The following MEIKIN variants were observed in gnomAD, a reference collection of about 807,000 sequenced individuals.
The protein encoded by MEIKIN is meiotic kinetochore factor.
At chr5:131,937,002 T>C (rs1476939229) in intron 4 of MEIKIN, among the ~76,000 whole-genome samples, 3 of 152,194 alleles carry the variant, frequency 2.0e-5, no homozygotes, top group East Asian at 3.9e-4. Flanking sequence ...AGTATAGCTA[T>C]TGGAGATCTC....
intron 11 of MEIKIN, among the ~76,000 whole-genome samples, chr5:131,837,431 T>C (rs557195552): frequency 5.9e-5 from 9 of 152,298 alleles, no homozygotes; most frequent in African/African-American, 2.2e-4. Flanking sequence ...GCATTGAATC[T>C]ATAAATTGCT....
In MEIKIN at chr5:131,941,153, T is replaced by C. The variant is rs1355306487; in HGVS notation, c.349+1482A>G. On this transcript the variant is annotated intron_variant, in intron 4 of 12. Transcript: ENST00000442687. ...TTCAAGATCTCTTCCTTTTTTTTTT[T>C]TTTTTTTTTTTTTTTTTTTTTTGTG... 4.8e-5 allele frequency among the ~76,000 whole-genome samples: 6 copies of C among 126,054 alleles called. No homozygotes were observed. In the East Asian group the frequency reaches 1.4e-3, roughly 29 times the overall value. 82.7% of individuals were successfully genotyped at this position (126,054 alleles called of 152,430 possible). A position where few individuals can be genotyped will look rare whatever the true frequency, so the allele number is the denominator to read the frequency against.
chr5:131,927,835 T>A (rs1202214382), intron 5 of MEIKIN, among the ~76,000 whole-genome samples: 1 of 152,254 alleles, frequency 6.6e-6, no homozygotes, highest in East Asian at 1.9e-4. Context: ...CCATTTTTAG[T>A]GTATGTATCC....
chr5:131,876,701 G>A (rs1750620091), intron 9 of MEIKIN, among the ~76,000 whole-genome samples: 1 of 151,776 alleles, frequency 6.6e-6, no homozygotes, highest in Non-Finnish European at 1.5e-5. Flanking sequence ...GCACACGTAT[G>A]TTTATTGAGG....
chr5:131,907,221 G>A (rs1179065213), intron 8 of MEIKIN, among the ~76,000 whole-genome samples: 2 of 151,824 alleles, frequency 1.3e-5, no homozygotes, highest in Non-Finnish European at 2.9e-5. Flanking sequence ...AGTTACAAAT[G>A]CTTATATCAA....
chr5:131,859,213 G>A (rs1045597476), intron 9 of MEIKIN, among the ~76,000 whole-genome samples: 6 of 152,152 alleles, frequency 3.9e-5, no homozygotes, highest in Non-Finnish European at 7.4e-5. Context: ...AGAAAATGTG[G>A]TACATATACA....
intron 12 of MEIKIN, among the ~76,000 whole-genome samples, chr5:131,813,669 C>T (rs1580855158): frequency 6.6e-6 from 1 of 152,020 alleles, no homozygotes; most frequent in East Asian, 1.9e-4. Flanking sequence ...TCTCATGATC[C>T]GCCCGCCTCA....
intron 12 of MEIKIN, among the ~76,000 whole-genome samples, chr5:131,811,434 C>T (rs560580689): frequency 6.6e-6 from 1 of 151,978 alleles, no homozygotes; most frequent in East Asian, 1.9e-4. Flanking sequence ...CGGCTCACTG[C>T]AACCTCTGCC....
chr5:131,849,237 G>C (rs1002954238), intron 11 of MEIKIN, among the ~76,000 whole-genome samples: 1 of 151,896 alleles, frequency 6.6e-6, no homozygotes, highest in African/African-American at 2.4e-5. Flanking sequence ...CTGTTCTAGT[G>C]GGGGAGTTAT....
intron 11 of MEIKIN, among the ~76,000 whole-genome samples, chr5:131,825,598 A>G (rs1749596888): frequency 6.6e-6 from 1 of 152,172 alleles, no homozygotes. Context: ...TCAGCTACTC[A>G]GCCCCCAGAG....
At chr5:131,921,184 A>T (rs918890474) in intron 6 of MEIKIN, among the ~76,000 whole-genome samples, 3 of 152,254 alleles carry the variant, frequency 2.0e-5, no homozygotes, top group African/African-American at 7.2e-5. Flanking sequence ...AAAAAGAAAG[A>T]CTAAATGAAA....
chr5:131,944,978 T>A (rs947246531), intron 2 of MEIKIN, among the ~76,000 whole-genome samples, 178 bp downstream of exon 2: 1 of 152,204 alleles, frequency 6.6e-6, no homozygotes. Context: ...TTCCCCTTTT[T>A]AAAAATAAAT....
At position 131,819,807 on chromosome 5, in the gene MEIKIN, G is replaced by A. The variant is rs1197664151; in HGVS notation, c.976-944C>T. 2.9e-3 allele frequency among the ~76,000 whole-genome samples: 292 copies of A among 101,056 alleles called. 3 individuals carry two copies. Among genetic ancestry groups the A allele is most frequent in the African/African-American group, 0.012 (278 of 23,150 alleles). 66.3% of individuals were successfully genotyped at this position (101,056 alleles called of 152,430 possible). A position where few individuals can be genotyped will look rare whatever the true frequency, so the allele number is the denominator to read the frequency against. On this transcript the variant is annotated intron_variant, in intron 11 of 12. Transcript: ENST00000442687. ...TTTTTTTTTTTTGAGACGGAGTCTCGCTCTGTCGCCCAGGCTGGAGTGCAG... is the reference window on the plus strand; with the variant it reads ...TTTTTTTTTTTTGAGACGGAGTCTCACTCTGTCGCCCAGGCTGGAGTGCAG...
intron 11 of MEIKIN, among the ~76,000 whole-genome samples, chr5:131,829,294 TCAAA>T (rs1241720175): frequency 6.6e-6 from 1 of 152,204 alleles, no homozygotes; most frequent in Non-Finnish European, 1.5e-5. Context: ...ATGAAAAGTC[TCAAA>T]CAATTTCTAT....
At chr5:131,816,246 G>C in intron 12 of MEIKIN, among the ~76,000 whole-genome samples, 1 of 152,322 alleles carries the variant, frequency 6.6e-6, no homozygotes, top group South Asian at 2.1e-4. Context: ...CGCTGTGATG[G>C]TTAGTTGTGT....
intron 6 of MEIKIN, among the ~76,000 whole-genome samples, chr5:131,921,409 G>A (rs1751503442): frequency 6.6e-6 from 1 of 151,978 alleles, no homozygotes; most frequent in Non-Finnish European, 1.5e-5. Context: ...TGTAATCCCA[G>A]CACTTTGGGA....
At chr5:131,862,970 A>G (rs569831553) in intron 9 of MEIKIN, among the ~76,000 whole-genome samples, 18 of 152,330 alleles carry the variant, frequency 1.2e-4, no homozygotes, top group African/African-American at 4.3e-4. Flanking sequence ...AAGTGCTGGG[A>G]TTACAAGCAT....
At chr5:131,931,172 C>T (rs941775158) in intron 5 of MEIKIN, among the ~76,000 whole-genome samples, 11 of 152,202 alleles carry the variant, frequency 7.2e-5, no homozygotes, top group Non-Finnish European at 1.6e-4. Flanking sequence ...AAACCACCGT[C>T]TTTGTTGTTA....
intron 9 of MEIKIN, among the ~76,000 whole-genome samples, chr5:131,865,688 A>G (rs375509279): frequency 1.3e-5 from 2 of 152,158 alleles, no homozygotes; most frequent in East Asian, 1.9e-4. Context: ...TCAGGGGCAC[A>G]TTTTTCTGAA....
Sources: gnomAD v4.1 joint callset for allele counts (sites outside exome capture counted in the v4.1 genomes callset) on GRCh38, gnomAD v4.1.1 for gene constraint, MANE v1.5 for transcripts, NCBI Gene and HGNC (gene_info 2026-07-23, HGNC 2026-07-21) for gene names.